Variants in ZNF445 observed in about 807,000 individuals in gnomAD.
ZNF445 encodes zinc finger protein 168.
A neutral mutation model predicts 93.9 loss-of-function variants in ZNF445; 19 were observed. The ratio of observed to expected loss-of-function variants is 0.20; its 90% CI spans 0.14 to 0.30. The LOEUF is 0.30. Among genes scored for constraint, ZNF445 ranks in the 10% least tolerant of loss-of-function variants. The pLI is 1.00. For synonymous variants in ZNF445, 449 were observed against 446.3 expected, an observed-to-expected ratio of 1.01 and a Z score of -0.08; for missense variants, 1,058 against 1,259.4, an observed-to-expected ratio of 0.84 and a Z score of 2.42.
intron 1 of ZNF445, among the ~76,000 whole-genome samples, chr3:44,475,802 C>A (rs551010729): frequency 2.4e-4 from 37 of 152,128 alleles, no homozygotes; most frequent in African/African-American, 8.9e-4. Context: ...AGTTCGAGAC[C>A]AGCCTGACCA....
chr3:44,471,253 G>A (rs1368338244), intron 1 of ZNF445, among the ~76,000 whole-genome samples: 1 of 152,084 alleles, frequency 6.6e-6, no homozygotes, highest in Non-Finnish European at 1.5e-5. Context: ...TTATCTAGAA[G>A]TAAAAGTACC....
In ZNF445 at chr3:44,443,085, G is replaced by A. The variant is rs1173915756; in HGVS notation, c.*3490C>T. The A allele has an allele frequency of 6.6e-6, 1 of 152,268 alleles. No homozygotes were observed. 9.4% of individuals were successfully genotyped at this position (152,268 alleles called of 1,614,324 possible). A position where few individuals can be genotyped will look rare whatever the true frequency, so the allele number is the denominator to read the frequency against. On this transcript the variant is annotated 3_prime_UTR_variant, in exon 8 of 8. Transcript: ENST00000396077. ...TGGGGCCACGGGTTTAGAGGCACAA[G>A]GGTCAGACAAGGTCAGGCCTTGAAG...
chr3:44,432,018 G>A lies in ZNF445; in HGVS notation c.*14557C>T, dbSNP rs1697560308. ...GTGTTCAAGCTATTCTCCCATCTTAGCCTCCCAGCTGGGATTACAGGCATG... is the reference window on the plus strand; with the variant it reads ...GTGTTCAAGCTATTCTCCCATCTTAACCTCCCAGCTGGGATTACAGGCATG... On this transcript the variant is annotated 3_prime_UTR_variant, in exon 8 of 8. Transcript: ENST00000396077. The A allele has an allele frequency of 6.6e-6, 1 of 151,968 alleles. No individual in the cohort carries two copies. The allele number at this position is 151,968 out of a possible 1,614,324, so 9.4% of individuals were successfully genotyped here. A position where few individuals can be genotyped will look rare whatever the true frequency, so the allele number is the denominator to read the frequency against.
intron 1 of ZNF445, among the ~76,000 whole-genome samples, chr3:44,459,301 A>G (rs1359214144): frequency 6.6e-6 from 1 of 152,272 alleles, no homozygotes; most frequent in Admixed American, 6.5e-5. Flanking sequence ...CAATACAATC[A>G]GAAAATTAAT....
Position 44,448,170 on chromosome 3 carries a change from C to T in ZNF445, c.1501G>A (p.Ala501Thr). Residue 501 changes from alanine to threonine, a missense_variant, in exon 8 of 8, where the codon GCG becomes ACG. Physicochemically the swap from Ala to Thr is moderately conservative, Grantham distance 58. Around this residue, in one of 3 missense-constraint regions of ZNF445, gnomAD observed 657 missense variants for 746.4 expected, o/e 0.88. Coordinates refer to ENST00000396077, the MANE Select transcript of ZNF445 (RefSeq NM_181489.6). ...TGAGTGTGAAGTCTCTGATGATACGCAAGATGGGAGCTATGACTGAAAGTC... is the reference window on the plus strand; with the variant it reads ...TGAGTGTGAAGTCTCTGATGATACGTAAGATGGGAGCTATGACTGAAAGTC... ...GRTFSHSSHLAYHQRLHTQEK... is the reference protein window; with the variant it reads ...GRTFSHSSHLTYHQRLHTQEK... The T allele has an allele frequency of 1.2e-6, 2 of 1,614,174 alleles. No individual in the cohort carries two copies. The highest frequency in any genetic ancestry group is 1.7e-6 in the Non-Finnish European group (2 of 1,180,040).
chr3:44,469,247 G>C (rs1698234112), intron 1 of ZNF445, among the ~76,000 whole-genome samples: 1 of 152,102 alleles, frequency 6.6e-6, no homozygotes, highest in Admixed American at 6.6e-5. Context: ...CCCCCACCAA[G>C]CTCAAGAGGT....
intron 3 of ZNF445, among the ~76,000 whole-genome samples, chr3:44,453,889 C>T (rs1457712249): frequency 1.3e-5 from 2 of 152,160 alleles, no homozygotes; most frequent in Admixed American, 1.3e-4. Flanking sequence ...TATGTGGCCA[C>T]AGATGTTGAG....
At chr3:44,465,471 T>C (rs1698180653) in intron 1 of ZNF445, among the ~76,000 whole-genome samples, 1 of 152,238 alleles carries the variant, frequency 6.6e-6, no homozygotes, top group Non-Finnish European at 1.5e-5. Context: ...GGGGCCAAAA[T>C]CTGGGCCCAA....
chr3:44,460,213 C>A (rs114878915), intron 1 of ZNF445, among the ~76,000 whole-genome samples: 1 of 152,144 alleles, frequency 6.6e-6, no homozygotes, highest in Non-Finnish European at 1.5e-5. Flanking sequence ...ACTTAGACAG[C>A]GAAAGAGATC....
Position 44,446,529 on chromosome 3 carries a change from G to A in ZNF445, c.*46C>T. The A allele has an allele frequency of 2.5e-6, 4 of 1,609,520 alleles. No homozygotes were observed. Among genetic ancestry groups the A allele is most frequent in the Non-Finnish European group, 3.4e-6 (4 of 1,178,588 alleles). ...AATGCCTATAATTAAGGGTTCTCTAGCAGGGGACTGAGAACCCACCCCCAC... is the reference window on the plus strand; with the variant it reads ...AATGCCTATAATTAAGGGTTCTCTAACAGGGGACTGAGAACCCACCCCCAC... On this transcript the variant is annotated 3_prime_UTR_variant, in exon 8 of 8. Coordinates refer to ENST00000396077, the MANE Select transcript of ZNF445 (RefSeq NM_181489.6). The surrounding 1 kb of genome is among the most constrained non-coding windows in gnomAD (Gnocchi z 4.2).
chr3:44,451,398 G>A lies in ZNF445; in HGVS notation c.514C>T (p.Pro172Ser). 5.6e-6 allele frequency: 9 copies of A among 1,614,162 alleles called. No individual in the cohort carries two copies. Among genetic ancestry groups the A allele is most frequent in the Non-Finnish European group, 6.8e-6 (8 of 1,180,014 alleles). The change falls in exon 4 of 8, where the codon CCT (proline) becomes TCT (serine). Residue 172 changes from proline (P) to serine (S), a missense_variant. Coordinates refer to ENST00000396077, the MANE Select transcript of ZNF445 (RefSeq NM_181489.6). The part of the protein sequence containing the change: ...RSAQIWSLAS[P>S]LRSSSALGDH... ...CCCAGAGCAGAGCTGCTCCTGAGAG[G>A]TGAAGCAAGGGACCATATCTGTGCA...
intron 1 of ZNF445, among the ~76,000 whole-genome samples, chr3:44,477,305 T>C (rs1225330081): frequency 6.6e-6 from 1 of 152,256 alleles, no homozygotes; most frequent in Non-Finnish European, 1.5e-5. Context: ...TGTTATCTAA[T>C]TGTCTCTGAT....
Position 44,431,865 on chromosome 3 carries a change from A to G in ZNF445, c.*14710T>C, listed in dbSNP as rs1697556510. 6.6e-6 allele frequency: 1 copy of G among 152,236 alleles called. No homozygotes were observed. The highest frequency in any genetic ancestry group is 2.4e-5 in the African/African-American group (1 of 41,462). 9.4% of individuals were successfully genotyped at this position (152,236 alleles called of 1,614,324 possible). ...TGACCTAAAGGGTGAAAACAACCAC[A>G]GACAATATGTAAATGAATGAATATA... On this transcript the variant is annotated 3_prime_UTR_variant, in exon 8 of 8. Transcript: ENST00000396077.
rs1472458032 is a variant in ZNF445, at chr3:44,434,353, G to C, written c.*12222C>G. ...TTGTACCCAGGAGGTGCAGGTTGCA[G>C]TGAGCCAAGATTGCCTCCACTCCAG... is the stretch of plus-strand genomic sequence containing the variant. On this transcript the variant is annotated 3_prime_UTR_variant, in exon 8 of 8. Transcript: ENST00000396077. The C allele has an allele frequency of 1.3e-5, 2 of 151,854 alleles. No individual in the cohort carries two copies. Among genetic ancestry groups the C allele is most frequent in the Non-Finnish European group, 2.9e-5 (2 of 68,002 alleles). The allele number at this position is 151,854 out of a possible 1,614,324, so 9.4% of individuals were successfully genotyped here. A position where few individuals can be genotyped will look rare whatever the true frequency, so the allele number is the denominator to read the frequency against.
chr3:44,446,512 TA>T lies in ZNF445; in HGVS notation c.*62del, dbSNP rs1697879306. On this transcript the variant is annotated 3_prime_UTR_variant, in exon 8 of 8. Transcript: ENST00000396077. This position sits in a 1 kb window ranked among gnomAD's most constrained non-coding sequence, Gnocchi z 4.2. ...TATCAAAGTTACTCCACAATGCCTA[TA>T]ATTAAGGGTTCTCTAGCAGGGGACT... 1.4e-5 allele frequency: 22 copies of T among 1,597,666 alleles called. No homozygotes were observed. Among genetic ancestry groups the T allele is most frequent in the Non-Finnish European group, 1.9e-5 (22 of 1,175,220 alleles).
chr3:44,460,870 A>G (rs1199544580), intron 1 of ZNF445, among the ~76,000 whole-genome samples: 1 of 152,144 alleles, frequency 6.6e-6, no homozygotes, highest in East Asian at 1.9e-4. Context: ...CTTGTCCAGG[A>G]CTGCCCTTGT....
At position 44,446,778 on chromosome 3, in the gene ZNF445, G is replaced by A. The variant is rs1697883041; in HGVS notation, c.2893C>T (p.Leu965Phe). The part of the protein sequence containing the change: ...CKEACSQSSR[L>F]TGLQDISIGK... ...ATGCTTATGTCCTGGAGTCCAGTGAGCCTGGAGCTCTGGCTGCAAGCTTCT... is the reference window on the plus strand; with the variant it reads ...ATGCTTATGTCCTGGAGTCCAGTGAACCTGGAGCTCTGGCTGCAAGCTTCT... Residue 965 changes from leucine (L) to phenylalanine (F), a missense_variant, in exon 8 of 8, where the codon CTC becomes TTC. By Grantham distance (22) the Leu-to-Phe change is conservative (BLOSUM62 0). This residue lies in a region of ZNF445 where 387 missense variants were observed against 475.7 expected (regional missense o/e 0.81). Transcript: ENST00000396077. The surrounding 1 kb of genome is among the most constrained non-coding windows in gnomAD (Gnocchi z 4.2). 1 of 1,614,184 alleles carries A rather than the reference G, an allele frequency of 6.2e-7. No homozygotes were observed. The highest frequency in any genetic ancestry group is 8.5e-7 in the Non-Finnish European group (1 of 1,180,038).
rs991293478 is a variant in ZNF445 at position 44,444,161 on chromosome 3, T to A, written c.*2414A>T. The A allele has an allele frequency of 6.6e-6, 1 of 151,924 alleles. No individual in the cohort carries two copies. Among genetic ancestry groups the A allele is most frequent in the Non-Finnish European group, 1.5e-5 (1 of 68,014 alleles). The allele number at this position is 151,924 out of a possible 1,614,324, so 9.4% of individuals were successfully genotyped here. On this transcript the variant is annotated 3_prime_UTR_variant, in exon 8 of 8. Coordinates refer to ENST00000396077, the MANE Select transcript of ZNF445 (RefSeq NM_181489.6). ...AAAAATAAAAAAGACAGTAAAAATA[T>A]CCCTATACTGGGGCAGGAACTTTAC... is the stretch of plus-strand genomic sequence containing the variant.
chr3:44,477,377 A>G (rs893038638), intron 1 of ZNF445, among the ~76,000 whole-genome samples: 24 of 152,200 alleles, frequency 1.6e-4, no homozygotes, highest in Admixed American at 1.5e-3. Flanking sequence ...CGGGCTCCAG[A>G]TTCTCTACCC....
Sources: allele counts gnomAD v4.1 joint callset (sites outside exome capture counted in the v4.1 genomes callset), GRCh38; gene constraint gnomAD v4.1.1; regional missense constraint gnomAD v4.1.1; non-coding constraint Gnocchi (gnomAD v3.1); transcripts MANE v1.5; gene names NCBI Gene and HGNC (gene_info 2026-07-23, HGNC 2026-07-21).